CDC42BPA: variants seen among roughly 807,000 people sequenced by gnomAD.
CDC42BPA encodes serine/threonine-protein kinase MRCK alpha.
In CDC42BPA, 80 loss-of-function variants were observed where a neutral mutation model predicts 223.5. The observed-to-expected ratio is 0.36, with a 90% CI of 0.30 to 0.43. The LOEUF is 0.43. CDC42BPA is among the 20% of genes least tolerant of loss of function. The pLI, the probability that CDC42BPA is intolerant of heterozygous loss-of-function variation, is 1.00. For missense variants in CDC42BPA, 1,743 were observed against 2,099.9 expected, an observed-to-expected ratio of 0.83 and a Z score of 3.32; for synonymous variants, 694 against 718.6, an observed-to-expected ratio of 0.97 and a Z score of 0.55.
At chr1:227,288,360 G>A (rs1689130729) in intron 1 of CDC42BPA, among the ~76,000 whole-genome samples, 1 of 151,308 alleles carries the variant, frequency 6.6e-6, no homozygotes, top group Non-Finnish European at 1.5e-5. Flanking sequence ...GGGCAACAGA[G>A]GGAGATCCTG....
chr1:227,138,413 G>A (rs957195956), intron 10 of CDC42BPA, among the ~76,000 whole-genome samples: 1 of 147,806 alleles, frequency 6.8e-6, no homozygotes, highest in Non-Finnish European at 1.5e-5. Flanking sequence ...TTCAAATAGA[G>A]AATATTCTAA....
chr1:227,066,250 A>G (rs1677037743), intron 21 of CDC42BPA, among the ~76,000 whole-genome samples: 1 of 151,932 alleles, frequency 6.6e-6, no homozygotes, highest in Non-Finnish European at 1.5e-5. Flanking sequence ...TTAGCTAGGC[A>G]CGGGGGGCAT....
rs183949122 is a variant in CDC42BPA at position 227,151,557 on chromosome 1, C to T, written c.694-3998G>A. Among the ~76,000 whole-genome samples, 127 of 152,174 alleles carry T rather than the reference C, an allele frequency of 8.3e-4. 1 individual carries two copies. The highest frequency in any genetic ancestry group is 2.9e-3 in the African/African-American group (121 of 41,514). ...TCAATTTTTTGAAGAGCTACCTATA[C>T]CATTTTCCATATTTTACATTCCCAC... On this transcript the variant is annotated intron_variant, in intron 6 of 36. Transcript: ENST00000366766.
At chr1:227,164,121 G>A (rs1664597325) in intron 5 of CDC42BPA, among the ~76,000 whole-genome samples, 3 of 152,042 alleles carry the variant, frequency 2.0e-5, no homozygotes, top group Admixed American at 2.0e-4. Context: ...CAGGATAACA[G>A]GCATAAATTG....
Position 227,080,986 on chromosome 1 carries a change from T to A in CDC42BPA, c.2387A>T (p.His796Leu). The A allele has an allele frequency of 6.2e-7, 1 of 1,613,658 alleles. No individual in the cohort carries two copies. Among genetic ancestry groups the A allele is most frequent in the Non-Finnish European group, 8.5e-7 (1 of 1,179,726 alleles). ...LTTLYENLSI[H>L]NQQLEEEVKD... ...AACCTCTTCTTCTAACTGCTGGTTG[T>A]GTATACTTAAGTTCTCATACAAAGT... Residue 796 changes from histidine (H) to leucine (L), a missense_variant, in exon 17 of 37, where the codon CAC (histidine) becomes CTC (leucine). Physicochemically the swap from His to Leu is moderately conservative, Grantham distance 99 (BLOSUM62 -3). Transcript: ENST00000366766.
At chr1:226,999,397 C>T (rs570444357) in intron 35 of CDC42BPA, among the ~76,000 whole-genome samples, 1 of 152,086 alleles carries the variant, frequency 6.6e-6, no homozygotes, top group Admixed American at 6.5e-5. Context: ...AGGATGGTCT[C>T]GATCTCCTGA....
In CDC42BPA at chr1:227,213,230, T is replaced by C; in HGVS notation, c.271-11A>G. 7.6e-7 allele frequency: 1 copy of C among 1,316,260 alleles called. No individual in the cohort carries two copies. Among genetic ancestry groups the C allele is most frequent in the Non-Finnish European group, 1.1e-6 (1 of 936,192 alleles). The allele number at this position is 1,316,260 out of a possible 1,614,324, so 81.5% of individuals were successfully genotyped here. The stretch of plus-strand genomic sequence containing the variant: ...TTTTACTACAGCAACCTAGAAAAGA[T>C]AAAGGAAATATAAATTTTAAAATAA... On this transcript the variant is annotated splice_polypyrimidine_tract_variant and intron_variant, in intron 2 of 36. Coordinates refer to ENST00000366766, the MANE Select transcript of CDC42BPA (RefSeq NM_001394014.1).
chr1:227,107,704 A>G (rs1332692874), intron 14 of CDC42BPA, among the ~76,000 whole-genome samples: 18 of 151,998 alleles, frequency 1.2e-4, no homozygotes, highest in Admixed American at 1.2e-3. Context: ...AAGCCGCTGG[A>G]GTGGGGTTGT....
chr1:227,003,472 C>T (rs1663315921), intron 35 of CDC42BPA, among the ~76,000 whole-genome samples: 1 of 152,184 alleles, frequency 6.6e-6, no homozygotes, highest in African/African-American at 2.4e-5. Context: ...CCAAGTGAAG[C>T]TACAATGATC....
intron 2 of CDC42BPA, among the ~76,000 whole-genome samples, chr1:227,219,885 GAAATAACAGAGTT>G (rs1001828973): frequency 6.6e-6 from 1 of 152,072 alleles, no homozygotes; most frequent in African/African-American, 2.4e-5. Context: ...ATTCTGTCTT[GAAATAACAGAGTT>G]AATTACCAGC....
chr1:227,197,466 AG>A (rs1226692674), intron 4 of CDC42BPA, among the ~76,000 whole-genome samples: 1 of 152,130 alleles, frequency 6.6e-6, no homozygotes, highest in Non-Finnish European at 1.5e-5. Context: ...GTAATTATTG[AG>A]GGGTATATAC....
chr1:227,210,589 A>T (rs1013935644), intron 3 of CDC42BPA, among the ~76,000 whole-genome samples: 9 of 152,194 alleles, frequency 5.9e-5, no homozygotes, highest in African/African-American at 2.2e-4. Flanking sequence ...TGCCACTTCC[A>T]GCTGTAATGA....
chr1:227,131,933 T>A (rs1159941592), intron 10 of CDC42BPA, among the ~76,000 whole-genome samples: 1 of 152,192 alleles, frequency 6.6e-6, no homozygotes. Context: ...GGTGGTACCA[T>A]CACCTTATGT....
At chr1:227,301,415 G>A (rs567991995) in intron 1 of CDC42BPA, among the ~76,000 whole-genome samples, 12 of 151,508 alleles carry the variant, frequency 7.9e-5, no homozygotes, top group African/African-American at 1.7e-4. Flanking sequence ...GCTAGAGTGC[G>A]GTGGCGCGAT....
chr1:227,304,876 G>C (rs1692284789), intron 1 of CDC42BPA, among the ~76,000 whole-genome samples: 3 of 152,158 alleles, frequency 2.0e-5, no homozygotes, highest in African/African-American at 7.2e-5. Context: ...CTTTACATTT[G>C]TTAAAACTCA....
rs371086659 is a variant in CDC42BPA, at chr1:227,034,635, T to C, written c.3476+20A>G. ...TCCTATGTTGCAATGATACAAATAA[T>C]TTTACCTTCAAACTCTTACCTCATG... On this transcript the variant is annotated intron_variant, in intron 26 of 36. Coordinates refer to ENST00000366766, the MANE Select transcript of CDC42BPA (RefSeq NM_001394014.1). 2 of 1,571,830 alleles carry C rather than the reference T, an allele frequency of 1.3e-6. No individual in the cohort carries two copies. The highest frequency in any genetic ancestry group is 2.3e-5 in the East Asian group (1 of 44,072).
intron 2 of CDC42BPA, among the ~76,000 whole-genome samples, chr1:227,220,363 ATAAGGAAATATATATTATG>A (rs1169322184): frequency 6.8e-6 from 1 of 148,006 alleles, no homozygotes; most frequent in Non-Finnish European, 1.5e-5. Flanking sequence ...AAGGTTATAT[ATAAGGAAATATATATTATG>A]TAAGGAATAA....
At chr1:227,268,616 GTATA>G (rs147808138) in intron 1 of CDC42BPA, among the ~76,000 whole-genome samples, 28,794 of 141,984 alleles carry the variant, frequency 0.2, 2,926 homozygotes, top group East Asian at 0.28. Flanking sequence ...TATAGTGTGT[GTATA>G]TATATAGTAT....
chr1:227,176,943 C>T (rs1207111041), intron 5 of CDC42BPA, among the ~76,000 whole-genome samples: 2 of 151,734 alleles, frequency 1.3e-5, no homozygotes, highest in Non-Finnish European at 2.9e-5. Context: ...TTTCTCTCCC[C>T]TCTAATCCAC....
Sources: gnomAD v4.1 joint callset for allele counts (sites outside exome capture counted in the v4.1 genomes callset) on GRCh38, gnomAD v4.1.1 for gene constraint, MANE v1.5 for transcripts, NCBI Gene and HGNC (gene_info 2026-07-23, HGNC 2026-07-21) for gene names.